The following GJC1 variants were observed in gnomAD, a reference collection of about 807,000 sequenced individuals.
The protein encoded by GJC1 is gap junction protein gamma 1.
GJC1 carries 5 observed loss-of-function variants against 29.3 expected under a neutral mutation model. The observed-to-expected ratio is 0.17, with a 90% confidence interval of 0.09 to 0.36. The LOEUF (loss-of-function observed/expected upper bound fraction) is 0.36. GJC1 is among the 10% of genes least tolerant of loss of function. GJC1 has a pLI of 1.00. For missense variants in GJC1, 310 were observed against 496.2 expected (o/e 0.62, Z 3.56); for synonymous variants, 177 against 183.3 (o/e 0.97, Z 0.28).
In GJC1 at chr17:44,805,472, G is replaced by A; in HGVS notation, c.346C>T (p.Pro116Ser). 1 of 1,614,136 alleles carries A rather than the reference G, an allele frequency of 6.2e-7. No individual in the cohort carries two copies. The highest frequency in any genetic ancestry group is 8.5e-7 in the Non-Finnish European group (1 of 1,180,032). The change falls in exon 3 of 3, where the codon CCC (proline) becomes TCC (serine). Residue 116 changes from proline (P) to serine (S), a missense_variant. Pro to Ser is a moderately conservative substitution (Grantham distance 74). Around this residue, in one of 4 missense-constraint regions of GJC1, gnomAD observed 82 missense variants for 100.7 expected, o/e 0.81. Transcript: ENST00000592524. This position sits in a 1 kb window ranked among gnomAD's most constrained non-coding sequence, Gnocchi z 5.1. ...EADKKAARSKPYAMRWKQHRA... is the reference protein window; with the variant it reads ...EADKKAARSKSYAMRWKQHRA... ...TGTTGTTTCCAGCGCATTGCATAGG[G>A]CTTGCTCCGAGCTGCCTTCTTGTCT... is the stretch of plus-strand genomic sequence containing the variant.
intron 1 of GJC1, among the ~76,000 whole-genome samples, chr17:44,826,608 T>A (rs1381619786): frequency 2.6e-5 from 4 of 151,802 alleles, no homozygotes; most frequent in African/African-American, 9.7e-5. Context: ...TTGGGCAATA[T>A]ATTCCACAGG....
In GJC1 at chr17:44,830,121, C is replaced by A; in HGVS notation, c.-156G>T. 2 of 153,156 alleles carry A rather than the reference C, an allele frequency of 1.3e-5. No individual in the cohort carries two copies. The highest frequency in any genetic ancestry group is 3.6e-4 in the South Asian group (2 of 5,576). The allele number at this position is 153,156 out of a possible 1,614,324, so 9.5% of individuals were successfully genotyped here. On this transcript the variant is annotated 5_prime_UTR_variant, in exon 1 of 3. Coordinates refer to ENST00000592524, the MANE Select transcript of GJC1 (RefSeq NM_005497.4). This position sits in a 1 kb window ranked among gnomAD's most constrained non-coding sequence, Gnocchi z 4.3. ...CCGGGCCTCGGCCCGTCCCGCCGGT[C>A]GCGGCCTCATGTGCCCCGCGTCGCC...
chr17:44,811,388 CT>C (rs573359174), intron 1 of GJC1, among the ~76,000 whole-genome samples: 356 of 128,068 alleles, frequency 2.8e-3, no homozygotes, highest in African/African-American at 4.9e-3. Flanking sequence ...GGCCTTTTTT[CT>C]TTTTTTTTTT....
At position 44,805,474 on chromosome 17, in the gene GJC1, T is replaced by G. The variant is rs1417068746; in HGVS notation, c.344A>C (p.Lys115Thr). ...GEADKKAARS[K>T]PYAMRWKQHR... ...TTGTTTCCAGCGCATTGCATAGGGC[T>G]TGCTCCGAGCTGCCTTCTTGTCTGC... The change falls in exon 3 of 3, where the codon AAG becomes ACG. Residue 115 changes from lysine (K) to threonine (T), a missense_variant. By Grantham distance (78) the Lys-to-Thr change is moderately conservative. Around this residue, in one of 4 missense-constraint regions of GJC1, gnomAD observed 82 missense variants for 100.7 expected, o/e 0.81. Transcript: ENST00000592524. The surrounding 1 kb of genome is among the most constrained non-coding windows in gnomAD (Gnocchi z 5.1). 16 of 1,614,064 alleles carry G rather than the reference T, an allele frequency of 9.9e-6. No homozygotes were observed. The highest frequency in any genetic ancestry group is 1.4e-5 in the Non-Finnish European group (16 of 1,180,034).
intron 1 of GJC1, among the ~76,000 whole-genome samples, chr17:44,812,892 C>T (rs903783414): frequency 6.6e-6 from 1 of 152,000 alleles, no homozygotes; most frequent in African/African-American, 2.4e-5. Flanking sequence ...CATGTTCTGC[C>T]CACCTCGGCC....
intron 1 of GJC1, among the ~76,000 whole-genome samples, chr17:44,823,260 T>G (rs1336047170): frequency 1.3e-5 from 2 of 148,976 alleles, no homozygotes; most frequent in African/African-American, 5.1e-5. Flanking sequence ...TTTTTTTTTT[T>G]TTTTTTTTTT....
At position 44,810,848 on chromosome 17, in the gene GJC1, A is replaced by G. The variant is rs1432858835; in HGVS notation, c.-96-3379T>C. 3.3e-5 allele frequency among the ~76,000 whole-genome samples: 5 copies of G among 151,946 alleles called. No individual in the cohort carries two copies. The East Asian group carries it at 7.7e-4, about 23-fold the overall frequency. ...GAGTGCAGTGGTGCAGACCTAAGTC[A>G]CTGCAGCCTCAACCTCTTGTGTCAA... is the stretch of plus-strand genomic sequence containing the variant. On this transcript the variant is annotated intron_variant, in intron 1 of 2. Coordinates refer to ENST00000592524, the MANE Select transcript of GJC1 (RefSeq NM_005497.4).
chr17:44,794,280 G>A (rs985637639), downstream of GJC1: 3 of 152,260 alleles, frequency 2.0e-5, no homozygotes, highest in African/African-American at 4.8e-5. Context: ...CCCAGACCCT[G>A]CGGATCCTTG....
intron 1 of GJC1, among the ~76,000 whole-genome samples, chr17:44,809,984 G>A (rs547129090): frequency 2.6e-5 from 4 of 151,430 alleles, no homozygotes; most frequent in Admixed American, 2.6e-4. Flanking sequence ...TCAGCCTCCC[G>A]AGCAGCTGGG....
downstream of GJC1, among the ~76,000 whole-genome samples, chr17:44,797,026 T>C (rs1327415254): frequency 6.6e-6 from 1 of 152,114 alleles, no homozygotes; most frequent in East Asian, 1.9e-4. Context: ...TTTTGCTTAT[T>C]TTTTGTAGAG....
rs1228422687 is a variant in GJC1 at position 44,800,054 on chromosome 17, T to G, written c.*4573A>C. On this transcript the variant is annotated 3_prime_UTR_variant, in exon 3 of 3. Coordinates refer to ENST00000592524, the MANE Select transcript of GJC1 (RefSeq NM_005497.4). ...TTGATGGTGACTGTGAATTATTACA[T>G]ATTTATTACACATAAATGAGTTTAA... is the stretch of plus-strand genomic sequence containing the variant. 1 of 152,236 alleles carries G rather than the reference T, an allele frequency of 6.6e-6. No individual in the cohort carries two copies. Among genetic ancestry groups the G allele is most frequent in the Admixed American group, 6.5e-5 (1 of 15,284 alleles). 9.4% of individuals were successfully genotyped at this position (152,236 alleles called of 1,614,324 possible). A position where few individuals can be genotyped will look rare whatever the true frequency, so the allele number is the denominator to read the frequency against.
At chr17:44,825,766 C>T (rs1398682398) in intron 1 of GJC1, among the ~76,000 whole-genome samples, 1 of 143,416 alleles carries the variant, frequency 7.0e-6, no homozygotes, top group African/African-American at 2.6e-5. Context: ...AAGAGTGAGA[C>T]TCAGTCTCAA....
intron 1 of GJC1, among the ~76,000 whole-genome samples, chr17:44,822,196 CAAAA>C (rs59152296): frequency 5.0e-4 from 24 of 47,554 alleles, no homozygotes; most frequent in East Asian, 3.2e-3. Context: ...GACTCCGTCT[CAAAA>C]AAAAAAAAAA....
chr17:44,805,248 A>C lies in GJC1; in HGVS notation c.570T>G (p.Gly190=), dbSNP rs1029421488. ...ACAGAAAATACTGCCCTATCAGAAA[A>C]CCCACCTCAAACACGGTCCTTGCCA... ...QLLARTVFEV[G]FLIGQYFLYG... The change falls in exon 3 of 3, where the codon GGT becomes GGG. Residue 190 remains glycine (G), a synonymous_variant. Transcript: ENST00000592524. The surrounding 1 kb of genome is among the most constrained non-coding windows in gnomAD (Gnocchi z 5.1). 8 of 1,613,820 alleles carry C rather than the reference A, an allele frequency of 5.0e-6. No homozygotes were observed. In the African/African-American group the frequency reaches 9.4e-5, roughly 19 times the overall value.
chr17:44,830,856 C>G, upstream of GJC1: 1 of 395,998 alleles, frequency 2.5e-6, no homozygotes, highest in Non-Finnish European at 4.4e-6. This position sits in a 1 kb window ranked among gnomAD's most constrained non-coding sequence, Gnocchi z 4.3. Context: ...ATTAGCAAGA[C>G]CCTAATAGGC....
intron 1 of GJC1, among the ~76,000 whole-genome samples, chr17:44,827,032 G>A (rs1229543577): frequency 1.3e-5 from 2 of 152,096 alleles, no homozygotes; most frequent in Non-Finnish European, 2.9e-5. Context: ...TAATCTGGTC[G>A]AGTGCGGTGG....
chr17:44,818,959 C>CA, intron 1 of GJC1, among the ~76,000 whole-genome samples: 1 of 151,966 alleles, frequency 6.6e-6, no homozygotes, highest in Non-Finnish European at 1.5e-5. Context: ...AAAAAGAAAA[C>CA]AAAAAACAAA....
intron 1 of GJC1, among the ~76,000 whole-genome samples, chr17:44,821,040 G>GT (rs1019075517): frequency 2.6e-5 from 4 of 152,194 alleles, no homozygotes; most frequent in Admixed American, 6.5e-5. Context: ...AGAGTGAGTA[G>GT]TTTGAGATCT....
chr17:44,825,209 A>AAC (rs1282634559), intron 1 of GJC1, among the ~76,000 whole-genome samples: 3 of 144,010 alleles, frequency 2.1e-5, no homozygotes, highest in African/African-American at 7.5e-5. Flanking sequence ...AAAAAAAAAA[A>AAC]AAAAAAAAGG....
Sources: gnomAD v4.1 joint callset for allele counts (sites outside exome capture counted in the v4.1 genomes callset) on GRCh38, gnomAD v4.1.1 for gene constraint, gnomAD v4.1.1 regional missense constraint, Gnocchi (gnomAD v3.1) non-coding constraint, MANE v1.5 for transcripts, NCBI Gene and HGNC (gene_info 2026-07-23, HGNC 2026-07-21) for gene names.